The following FBXL20 variants were observed in gnomAD, a reference collection of about 807,000 sequenced individuals.
FBXL20 encodes the protein F-box and leucine rich repeat protein 20.
FBXL20 carries 11 observed loss-of-function variants against 64.0 expected under a neutral mutation model. The ratio of observed to expected loss-of-function variants is 0.17; its 90% CI spans 0.11 to 0.28. The LOEUF (loss-of-function observed/expected upper bound fraction) is 0.28, where lower values mean the gene tolerates loss of function less well. Ranked by LOEUF, FBXL20 falls within the 10% of genes least tolerant of loss-of-function variation. FBXL20 has a pLI of 1.00. For missense variants in FBXL20, 303 were observed against 526.2 expected (o/e 0.58, Z 4.15); for synonymous variants, 184 against 189.0 (o/e 0.97, Z 0.22).
intron 1 of FBXL20, among the ~76,000 whole-genome samples, chr17:39,350,281 G>A (rs2047675184): frequency 6.6e-6 from 1 of 152,034 alleles, no homozygotes; most frequent in East Asian, 1.9e-4. Context: ...ACCTGAGGCT[G>A]GGAGATCGAG....
intron 1 of FBXL20, among the ~76,000 whole-genome samples, chr17:39,372,743 G>A (rs2047930790): frequency 6.6e-6 from 1 of 150,404 alleles, no homozygotes; most frequent in Non-Finnish European, 1.5e-5. Flanking sequence ...AGCCTCCCAA[G>A]TAGCTGGCAC....
Position 39,255,537 on chromosome 17 carries a change from T to G in FBXL20, c.*5923A>C, listed in dbSNP as rs184969222. ...AACTCACTTGCCTCTTATGGTACTTTCAGGCAGGTAGAATGTTTATCCTGG... is the reference window on the plus strand; with the variant it reads ...AACTCACTTGCCTCTTATGGTACTTGCAGGCAGGTAGAATGTTTATCCTGG... On this transcript the variant is annotated 3_prime_UTR_variant, in exon 15 of 15. Transcript: ENST00000264658. 5 of 151,474 alleles carry G rather than the reference T, an allele frequency of 3.3e-5. No individual in the cohort carries two copies. The highest frequency in any genetic ancestry group is 1.2e-4 in the African/African-American group (5 of 41,180). 9.4% of individuals were successfully genotyped at this position (151,474 alleles called of 1,614,324 possible).
At chr17:39,267,410 C>G (rs1206410761) in intron 12 of FBXL20, among the ~76,000 whole-genome samples, 3 of 152,110 alleles carry the variant, frequency 2.0e-5, no homozygotes, top group African/African-American at 7.2e-5. Flanking sequence ...TTAGAATCAT[C>G]AGAGAAAGGA....
intron 6 of FBXL20, among the ~76,000 whole-genome samples, chr17:39,296,218 T>C (rs1033374378): frequency 2.6e-5 from 4 of 152,130 alleles, no homozygotes; most frequent in African/African-American, 9.7e-5. Context: ...AAGAGGTTAG[T>C]ATATTTCATC....
Position 39,270,813 on chromosome 17 carries a change from A to G in FBXL20, c.871T>C (p.Phe291Leu). 1 of 1,611,086 alleles carries G rather than the reference A, an allele frequency of 6.2e-7. No homozygotes were observed. Among genetic ancestry groups the G allele is most frequent in the Non-Finnish European group, 8.5e-7 (1 of 1,178,778 alleles). Residue 291 changes from phenylalanine to leucine, a missense_variant, in exon 11 of 15, where the codon TTT (phenylalanine) becomes CTT (leucine). This residue lies in a region of FBXL20 where 246 missense variants were observed against 422.6 expected (regional missense o/e 0.58). Coordinates refer to ENST00000264658, the MANE Select transcript of FBXL20 (RefSeq NM_032875.3). ...ARCSQLTDVG[F>L]TTLARNCHEL... ...ATACTTACCCTGGCTAGAGTGGTAA[A>G]GCCCACATCTGTTAATTGAGAACAT...
At position 39,353,725 on chromosome 17, in the gene FBXL20, C is replaced by A. The variant is rs570367697; in HGVS notation, c.43-10484G>T. On this transcript the variant is annotated intron_variant, in intron 1 of 14. Coordinates refer to ENST00000264658, the MANE Select transcript of FBXL20 (RefSeq NM_032875.3). ...GCAACCTCCACCTCCCAGGTTCAAG[C>A]GATTCTCCTGCCTCAGCCTCCCAAG... Among the ~76,000 whole-genome samples, 5 of 152,034 alleles carry A rather than the reference C, an allele frequency of 3.3e-5. No homozygotes were observed. In the East Asian group the frequency reaches 9.7e-4, roughly 29 times the overall value.
chr17:39,369,641 G>A (rs982588735), intron 1 of FBXL20, among the ~76,000 whole-genome samples: 6 of 151,754 alleles, frequency 4.0e-5, no homozygotes, highest in Admixed American at 1.3e-4. Flanking sequence ...GTGAGCCACC[G>A]TGCCCAGCTA....
At chr17:39,368,911 T>C (rs1391224699) in intron 1 of FBXL20, among the ~76,000 whole-genome samples, 2 of 152,036 alleles carry the variant, frequency 1.3e-5, no homozygotes, top group African/African-American at 4.8e-5. Flanking sequence ...CACTTCGGCC[T>C]CCCAAAGTGC....
At chr17:39,311,472 AAATAACCAGGAAAGGTTGT>A (rs2047234943) in intron 2 of FBXL20, among the ~76,000 whole-genome samples, 1 of 152,074 alleles carries the variant, frequency 6.6e-6, no homozygotes, top group Non-Finnish European at 1.5e-5. Flanking sequence ...GGAGGGTATC[AAATAACCAGGAAAGGTTGT>A]ATGTCTTTCT....
At chr17:39,363,810 C>CAAAAAAAAAAAAAA (rs71372113) in intron 1 of FBXL20, among the ~76,000 whole-genome samples, 1 of 26,662 alleles carries the variant, frequency 3.8e-5, no homozygotes, top group African/African-American at 2.4e-4. Flanking sequence ...GACTTTATCT[C>CAAAAAAAAAAAAAA]AAAAAAAAAA....
intron 10 of FBXL20, among the ~76,000 whole-genome samples, chr17:39,271,265 T>C (rs1047499020): frequency 6.6e-6 from 1 of 152,124 alleles, no homozygotes; most frequent in Non-Finnish European, 1.5e-5. Context: ...TTCTTTCCTG[T>C]TTTAGAAGTA....
chr17:39,340,830 C>T (rs2047575253), intron 2 of FBXL20, among the ~76,000 whole-genome samples: 1 of 151,726 alleles, frequency 6.6e-6, no homozygotes, highest in Non-Finnish European at 1.5e-5. Context: ...AATTTTGAAC[C>T]ATTACTTAAA....
chr17:39,295,688 C>CCTTGTGTTTGTGTT (rs2047077550), intron 6 of FBXL20, among the ~76,000 whole-genome samples: 1 of 151,260 alleles, frequency 6.6e-6, no homozygotes, highest in African/African-American at 2.4e-5. Flanking sequence ...TATCTCTTTC[C>CCTTGTGTTTGTGTT]CTTGTGTTTT....
Position 39,281,455 on chromosome 17 carries a change from ATCT to A in FBXL20, c.627_629del (p.Glu209del). 6.2e-7 allele frequency: 1 copy of A among 1,613,038 alleles called. No homozygotes were observed. Among genetic ancestry groups the A allele is most frequent in the Non-Finnish European group, 8.5e-7 (1 of 1,179,466 alleles). ...GTGCACCTATGTACTTGAGAGCTTC[ATCT>A]TCTAGCTAGAAAGATTAAAAAGTAA... On this transcript the variant is annotated inframe_deletion, in exon 9 of 15. Coordinates refer to ENST00000264658, the MANE Select transcript of FBXL20 (RefSeq NM_032875.3).
chr17:39,376,417 A>C (rs1035444170), intron 1 of FBXL20, among the ~76,000 whole-genome samples: 8 of 152,192 alleles, frequency 5.3e-5, no homozygotes, highest in African/African-American at 1.9e-4. Flanking sequence ...AGCTAGGGAA[A>C]TGTATGTCCA....
At chr17:39,394,572 T>C (rs972974826) in intron 1 of FBXL20, among the ~76,000 whole-genome samples, 8 of 151,448 alleles carry the variant, frequency 5.3e-5, no homozygotes, top group Non-Finnish European at 7.4e-5. Flanking sequence ...CTTTTCTTTT[T>C]TTTTTTTTTT....
At chr17:39,383,661 C>T (rs543179442) in intron 1 of FBXL20, among the ~76,000 whole-genome samples, 65 of 148,852 alleles carry the variant, frequency 4.4e-4, no homozygotes, top group African/African-American at 1.5e-3. Flanking sequence ...GCGATCTCGG[C>T]TCACTGCAAC....
intron 1 of FBXL20, among the ~76,000 whole-genome samples, chr17:39,348,593 G>T (rs980340352): frequency 6.6e-6 from 1 of 152,058 alleles, no homozygotes; most frequent in Non-Finnish European, 1.5e-5. Context: ...TGCCCAGTCA[G>T]GTTCTTCTAA....
intron 2 of FBXL20, among the ~76,000 whole-genome samples, chr17:39,306,904 A>C (rs1251218437): frequency 6.6e-6 from 1 of 152,214 alleles, no homozygotes; most frequent in Non-Finnish European, 1.5e-5. Flanking sequence ...AGCAAATATA[A>C]CTGATCTATA....
Sources: allele counts gnomAD v4.1 joint callset (sites outside exome capture counted in the v4.1 genomes callset), GRCh38; gene constraint gnomAD v4.1.1; regional missense constraint gnomAD v4.1.1; transcripts MANE v1.5; gene names NCBI Gene and HGNC (gene_info 2026-07-23, HGNC 2026-07-21).